The following SNTG2 variants were observed in gnomAD, a reference collection of about 807,000 sequenced individuals.
SNTG2 encodes the protein syntrophin gamma 2.
SNTG2 carries 74 observed loss-of-function variants against 70.9 expected under a neutral mutation model. The ratio of observed to expected loss-of-function variants is 1.04; its 90% CI spans 0.86 to 1.27. The LOEUF (loss-of-function observed/expected upper bound fraction) is 1.27. Ranked by LOEUF, SNTG2 falls within the 50% of genes most tolerant of loss-of-function variation. The probability of loss-of-function intolerance (pLI) is 0.00; values close to 1 mark genes in which losing one functional copy is unlikely to be tolerated. For missense variants in SNTG2, 717 were observed against 690.7 expected, an observed-to-expected ratio of 1.04 and a Z score of -0.43; for synonymous variants, 278 against 273.8, an observed-to-expected ratio of 1.02 and a Z score of -0.15.
intron 6 of SNTG2, among the ~76,000 whole-genome samples, chr2:1,146,994 C>A (rs890005342): frequency 1.3e-4 from 20 of 152,170 alleles, no homozygotes; most frequent in African/African-American, 4.8e-4. Context: ...CACTTTATTT[C>A]CTTTCTCCTT....
chr2:1,161,970 A>G (rs1670326085), intron 6 of SNTG2, among the ~76,000 whole-genome samples: 1 of 142,366 alleles, frequency 7.0e-6, no homozygotes, highest in Non-Finnish European at 1.5e-5. Context: ...GCTACTTGGG[A>G]GGCTGAGGCA....
At chr2:1,162,939 A>G (rs527699178) in intron 6 of SNTG2, among the ~76,000 whole-genome samples, 3 of 152,316 alleles carry the variant, frequency 2.0e-5, no homozygotes, top group African/African-American at 7.2e-5. Context: ...ACAAGGGTGC[A>G]CTTGTACTGA....
intron 16 of SNTG2, among the ~76,000 whole-genome samples, chr2:1,320,950 A>G (rs1202074941): frequency 6.6e-6 from 1 of 152,242 alleles, no homozygotes; most frequent in Non-Finnish European, 1.5e-5. Context: ...GAGCCTCCAA[A>G]GGGAAACTTT....
intron 6 of SNTG2, among the ~76,000 whole-genome samples, chr2:1,153,786 G>A (rs1317380582): frequency 6.6e-6 from 1 of 152,198 alleles, no homozygotes; most frequent in Non-Finnish European, 1.5e-5. Flanking sequence ...TTCTCAATGC[G>A]GGTGATGGAA....
At chr2:1,014,689 G>C (rs1329459085) in intron 1 of SNTG2, among the ~76,000 whole-genome samples, 1 of 148,984 alleles carries the variant, frequency 6.7e-6, no homozygotes, top group African/African-American at 2.5e-5. Context: ...TCTGTAGAGG[G>C]ATTTATATGG....
chr2:1,162,030 C>CAT (rs1558474534), intron 6 of SNTG2, among the ~76,000 whole-genome samples: 1 of 144,212 alleles, frequency 6.9e-6, no homozygotes, highest in Non-Finnish European at 1.5e-5. Flanking sequence ...GCCCAGATGG[C>CAT]GCCACTGCAC....
intron 8 of SNTG2, among the ~76,000 whole-genome samples, chr2:1,198,458 C>T (rs1177632605): frequency 6.7e-6 from 1 of 150,364 alleles, no homozygotes; most frequent in Admixed American, 6.6e-5. Context: ...AGACACACAT[C>T]GAAAAACGTA....
At chr2:1,163,608 C>T (rs1280892230) in intron 6 of SNTG2, 1 of 152,314 alleles carries the variant, frequency 6.6e-6, no homozygotes, top group African/African-American at 2.4e-5. Context: ...TCACCAGCCA[C>T]ATGGAAGTGG....
intron 8 of SNTG2, among the ~76,000 whole-genome samples, chr2:1,175,620 A>G (rs937892211): frequency 6.6e-6 from 1 of 152,142 alleles, no homozygotes; most frequent in African/African-American, 2.4e-5. Flanking sequence ...ATATTTTCCT[A>G]CAGAGTCTTT....
chr2:1,051,632 G>T (rs1229690443), intron 1 of SNTG2, among the ~76,000 whole-genome samples: 1 of 152,132 alleles, frequency 6.6e-6, no homozygotes, highest in Non-Finnish European at 1.5e-5. Flanking sequence ...CTGTGCTGGG[G>T]GCAAGCATTT....
At chr2:1,239,001 G>A (rs2148109498) in intron 10 of SNTG2, among the ~76,000 whole-genome samples, 1 of 152,330 alleles carries the variant, frequency 6.6e-6, no homozygotes, top group East Asian at 1.9e-4. Context: ...GACCTCAGGG[G>A]CTTCCTTTCT....
At chr2:1,314,637 A>T (rs1290375371) in intron 15 of SNTG2, among the ~76,000 whole-genome samples, 1 of 152,220 alleles carries the variant, frequency 6.6e-6, no homozygotes, top group Non-Finnish European at 1.5e-5. Context: ...ACAAGAATGG[A>T]TACACATGCT....
chr2:1,175,843 C>T (rs1056277547), intron 8 of SNTG2, among the ~76,000 whole-genome samples: 3 of 152,140 alleles, frequency 2.0e-5, no homozygotes, highest in African/African-American at 7.2e-5. Context: ...TGATTCGGTG[C>T]CATTTCAGGA....
chr2:1,098,031 G>A (rs1198308962), intron 2 of SNTG2, among the ~76,000 whole-genome samples, 165 bp from the exon 3 acceptor site: 2 of 152,028 alleles, frequency 1.3e-5, no homozygotes, highest in Non-Finnish European at 1.5e-5. Flanking sequence ...GCAATACCAC[G>A]GAGTAAAGAT....
At chr2:1,095,751 C>T (rs1330792799) in intron 2 of SNTG2, among the ~76,000 whole-genome samples, 1 of 152,180 alleles carries the variant, frequency 6.6e-6, no homozygotes, top group Non-Finnish European at 1.5e-5. Context: ...TACTTGCTTG[C>T]ATGAGTTTCA....
chr2:1,070,032 G>C (rs1164622640), intron 1 of SNTG2, among the ~76,000 whole-genome samples: 1 of 151,948 alleles, frequency 6.6e-6, no homozygotes, highest in East Asian at 1.9e-4. Flanking sequence ...CTGCAGTGAC[G>C]TCAGTGTGCA....
intron 1 of SNTG2, among the ~76,000 whole-genome samples, chr2:1,076,196 C>T (rs1374888136): frequency 6.6e-6 from 1 of 152,210 alleles, no homozygotes; most frequent in African/African-American, 2.4e-5. Context: ...TCAGAAGGCA[C>T]AGTATTAGAA....
chr2:1,159,855 A>C (rs1670156855), intron 6 of SNTG2, among the ~76,000 whole-genome samples: 1 of 152,244 alleles, frequency 6.6e-6, no homozygotes. Flanking sequence ...TGATGAAGAA[A>C]TATTAATTAA....
intron 13 of SNTG2, among the ~76,000 whole-genome samples, chr2:1,261,030 T>G (rs62108062): frequency 0.093 from 14,124 of 152,218 alleles, 717 homozygotes; most frequent in South Asian, 0.15. Flanking sequence ...TTATATGAAG[T>G]ATTTATGAAA....
Sources: allele counts gnomAD v4.1 joint callset (sites outside exome capture counted in the v4.1 genomes callset), GRCh38; gene constraint gnomAD v4.1.1; transcripts MANE v1.5; gene names NCBI Gene and HGNC (gene_info 2026-07-23, HGNC 2026-07-21).